TNPO2: variants seen among roughly 807,000 people sequenced by gnomAD.
The protein encoded by TNPO2 is transportin 2, also known as transportin-2.
TNPO2 carries 16 observed loss-of-function variants against 111.1 expected under a neutral mutation model. The observed-to-expected ratio is 0.14, with a 90% CI of 0.10 to 0.22. The LOEUF is 0.22. Among genes scored for constraint, TNPO2 ranks in the 10% least tolerant of loss-of-function variants. TNPO2 has a pLI of 1.00. For synonymous variants in TNPO2, 481 were observed against 475.8 expected (o/e 1.01, Z -0.14); for missense variants, 530 against 1,173.7 (o/e 0.45, Z 8.01).
At chr19:12,712,138 G>A (rs1318658061) in intron 10 of TNPO2, among the ~76,000 whole-genome samples, 1 of 152,202 alleles carries the variant, frequency 6.6e-6, no homozygotes, top group Non-Finnish European at 1.5e-5. Flanking sequence ...TAGGAGCTGA[G>A]GGGACATAGT....
In TNPO2 at chr19:12,719,757, C is replaced by T. The variant is rs1364558485; in HGVS notation, c.100-421G>A. ...AAGGTTGCAGTGAGCCGAGATTGCGCCTCTGCATTCCAGTCTGGGCGACAG... is the reference window on the plus strand; with the variant it reads ...AAGGTTGCAGTGAGCCGAGATTGCGTCTCTGCATTCCAGTCTGGGCGACAG... On this transcript the variant is annotated intron_variant, in intron 3 of 25. Coordinates refer to ENST00000425528, the MANE Select transcript of TNPO2 (RefSeq NM_001382241.1). This position sits in a 1 kb window ranked among gnomAD's most constrained non-coding sequence, Gnocchi z 5.0. Among the ~76,000 whole-genome samples the T allele has an allele frequency of 1.3e-5, 2 of 151,814 alleles. No individual in the cohort carries two copies. The highest frequency in any genetic ancestry group is 4.8e-5 in the African/African-American group (2 of 41,288).
chr19:12,708,745 C>T (rs2025854575), intron 13 of TNPO2, among the ~76,000 whole-genome samples: 2 of 152,018 alleles, frequency 1.3e-5, no homozygotes, highest in Admixed American at 1.3e-4. Context: ...GTGGTGGACA[C>T]CTGTAATTCC....
rs749617128 is a variant in TNPO2 at position 12,715,760 on chromosome 19, C to T, written c.326-21G>A. The T allele has an allele frequency of 1.3e-5, 20 of 1,587,296 alleles. No individual in the cohort carries two copies. Among genetic ancestry groups the T allele is most frequent in the East Asian group, 1.1e-4 (5 of 43,782 alleles). ...AATGCCTGGGGCGGCCGGGAAAGGA[C>T]GCTGCCTGAGGCTGGGCAGGGGCTG... On this transcript the variant is annotated intron_variant, in intron 5 of 25. Coordinates refer to ENST00000425528, the MANE Select transcript of TNPO2 (RefSeq NM_001382241.1). This position sits in a 1 kb window ranked among gnomAD's most constrained non-coding sequence, Gnocchi z 7.1.
Position 12,702,897 on chromosome 19 carries a change from A to G in TNPO2, c.2231T>C (p.Val744Ala), listed in dbSNP as rs1322582359. 6.2e-7 allele frequency: 1 copy of G among 1,613,876 alleles called. No homozygotes were observed. The highest frequency in any genetic ancestry group is 8.5e-7 in the Non-Finnish European group (1 of 1,179,808). Residue 744 changes from valine (V) to alanine (A), a missense_variant, in exon 21 of 26, where the codon GTG (valine) becomes GCG (alanine). Transcript: ENST00000425528. This position sits in a 1 kb window ranked among gnomAD's most constrained non-coding sequence, Gnocchi z 5.5. Reference sequence around the variant, plus strand: ...CACCAGGTTGTTGAGGACCATCTGCACATAAGGCTGCATCTCTGCCCCTGG... The same window carrying G: ...CACCAGGTTGTTGAGGACCATCTGCGCATAAGGCTGCATCTCTGCCCCTGG... The part of the protein sequence containing the change: ...MQMGAEMQPY[V>A]QMVLNNLVEI...
intron 13 of TNPO2, among the ~76,000 whole-genome samples, chr19:12,708,431 GT>G (rs1160827763): frequency 1.4e-3 from 206 of 143,484 alleles, no homozygotes; most frequent in South Asian, 7.6e-3. Context: ...CACACCCAGG[GT>G]TTTTTTTTTT....
At chr19:12,703,145 G>T in intron 20 of TNPO2, 3 of 587,182 alleles carry the variant, frequency 5.1e-6, no homozygotes, top group Non-Finnish European at 9.0e-6. Context: ...GAGTCGCTAA[G>T]GTGACAACAC....
intron 10 of TNPO2, among the ~76,000 whole-genome samples, chr19:12,712,628 G>C (rs1434996031): frequency 6.6e-6 from 1 of 151,790 alleles, no homozygotes; most frequent in East Asian, 1.9e-4. Context: ...TGCCTCGGCT[G>C]CCAGGCAGGG....
intron 5 of TNPO2, among the ~76,000 whole-genome samples, chr19:12,717,168 C>G (rs1467860027): frequency 6.9e-6 from 1 of 144,748 alleles, no homozygotes; most frequent in Non-Finnish European, 1.5e-5. Flanking sequence ...GAACTTTAGC[C>G]ACACCCCCTC....
At chr19:12,704,557 A>C (rs145559560) in intron 18 of TNPO2, among the ~76,000 whole-genome samples, 2 of 152,348 alleles carry the variant, frequency 1.3e-5, no homozygotes, top group African/African-American at 4.8e-5. Context: ...CGTTCAGTAC[A>C]GATGTAATTT....
rs562271660 is a variant in TNPO2, at chr19:12,710,880, G to A, written c.1118-107C>T. 31 of 1,154,528 alleles carry A rather than the reference G, an allele frequency of 2.7e-5. 1 individual carries two copies. The Admixed American group carries it at 7.8e-4, about 29-fold the overall frequency. 71.5% of individuals were successfully genotyped at this position (1,154,528 alleles called of 1,614,324 possible). The stretch of plus-strand genomic sequence containing the variant: ...CAGAGATCATGCTCAGAATCTTCAC[G>A]ATCAGCTTCTTTTTTTTTGTTTTGT... On this transcript the variant is annotated intron_variant, in intron 12 of 25. Transcript: ENST00000425528.
intron 10 of TNPO2, among the ~76,000 whole-genome samples, chr19:12,712,602 G>C (rs928348574): frequency 4.6e-5 from 7 of 152,156 alleles, no homozygotes; most frequent in African/African-American, 1.7e-4. Context: ...CTTTCTCTTT[G>C]TCTACTCTCC....
At position 12,702,492 on chromosome 19, in the gene TNPO2, G is replaced by A. The variant is rs188634387; in HGVS notation, c.2306-315C>T. ...TCATTGCAACCTGCCTCAGCCTCCC[G>A]AGTAGCTGGGATTGCAGGCACGTGC... On this transcript the variant is annotated intron_variant, in intron 21 of 25. Transcript: ENST00000425528. The surrounding 1 kb of genome is among the most constrained non-coding windows in gnomAD (Gnocchi z 5.5). 7.9e-4 allele frequency: 434 copies of A among 548,032 alleles called. 3 individuals carry two copies. The highest frequency in any genetic ancestry group is 7.3e-3 in the African/African-American group (380 of 52,334). The allele number at this position is 548,032 out of a possible 1,614,324, so 33.9% of individuals were successfully genotyped here.
At position 12,703,453 on chromosome 19, in the gene TNPO2, G is replaced by A; in HGVS notation, c.2184C>T (p.Ala728=). The change falls in exon 20 of 26, where the codon GCC becomes GCT. Residue 728 remains alanine, a synonymous_variant. Transcript: ENST00000425528. ...CCATCTGCATGCAGATTTCACCAAT[G>A]GCCCAGGTGGCGTTGTTGCAGACGG... ...FISVCNNATW[A]IGEICMQMGA... 5.0e-6 allele frequency: 8 copies of A among 1,613,938 alleles called. No individual in the cohort carries two copies. In the Middle Eastern group the frequency reaches 1.3e-3, roughly 267 times the overall value.
At position 12,715,418 on chromosome 19, in the gene TNPO2, T is replaced by A; in HGVS notation, c.553A>T (p.Ser185Cys). The A allele has an allele frequency of 5.0e-6, 8 of 1,613,926 alleles. No homozygotes were observed. The highest frequency in any genetic ancestry group is 6.8e-6 in the Non-Finnish European group (8 of 1,179,864). The change falls in exon 7 of 26, where the codon AGT becomes TGT. Residue 185 changes from serine to cysteine, a missense_variant. Physicochemically the swap from Ser to Cys is moderately radical, Grantham distance 112 (BLOSUM62 -1). This residue lies in a region of TNPO2 where 156 missense variants were observed against 405.8 expected (regional missense o/e 0.38). Transcript: ENST00000425528. This position sits in a 1 kb window ranked among gnomAD's most constrained non-coding sequence, Gnocchi z 7.1. The part of the protein sequence containing the change: ...PKFLQFFKHC[S>C]PKIRSHAIAC... ...AGCTGCACCCACCGGATCTTGGGAC[T>A]GCAGTGCTTGAAGAACTGCAGGAAC...
intron 19 of TNPO2, 88 bp from the exon 20 acceptor site, chr19:12,703,614 GA>G (rs2025458678): frequency 6.4e-7 from 1 of 1,569,346 alleles, no homozygotes; most frequent in Non-Finnish European, 8.8e-7. Flanking sequence ...CAGACAGTAC[GA>G]ATACATCCCA....
chr19:12,723,307 A>T lies in TNPO2; in HGVS notation c.-72T>A, dbSNP rs1382406355. ...TTCTGGCAAGGGCAGGGTCATGAAG[A>T]AAGAAATCTTCTTGATCCTTGCGAC... is the stretch of plus-strand genomic sequence containing the variant. On this transcript the variant is annotated 5_prime_UTR_variant, in exon 2 of 26. Transcript: ENST00000425528. 1 of 152,222 alleles carries T rather than the reference A, an allele frequency of 6.6e-6. No individual in the cohort carries two copies. The highest frequency in any genetic ancestry group is 1.5e-5 in the Non-Finnish European group (1 of 68,052). The allele number at this position is 152,222 out of a possible 1,614,324, so 9.4% of individuals were successfully genotyped here.
At chr19:12,720,819 G>C (rs2026641267) in intron 3 of TNPO2, 60 bp downstream of exon 3, 18 of 1,530,422 alleles carry the variant, frequency 1.2e-5, no homozygotes, top group Admixed American at 2.0e-5. Flanking sequence ...TCTCTCTCTG[G>C]CCTTTGGAAA....
Position 12,711,437 on chromosome 19 carries a change from C to T in TNPO2, c.976G>A (p.Val326Ile). ...LKGDVEEDEAVPDSEQDIKPR... is the reference protein window; with the variant it reads ...LKGDVEEDEAIPDSEQDIKPR... Reference sequence around the variant, plus strand: ...TTGATGTCCTGCTCACTGTCGGGGACAGCCTCATCCTCCTCCACATCCCCC... The same window carrying T: ...TTGATGTCCTGCTCACTGTCGGGGATAGCCTCATCCTCCTCCACATCCCCC... The change falls in exon 12 of 26, where the codon GTC (valine) becomes ATC (isoleucine). Residue 326 changes from valine (V) to isoleucine (I), a missense_variant. By Grantham distance (29) the Val-to-Ile change is conservative. Transcript: ENST00000425528. The T allele has an allele frequency of 6.2e-7, 1 of 1,614,002 alleles. No homozygotes were observed. The highest frequency in any genetic ancestry group is 8.5e-7 in the Non-Finnish European group (1 of 1,179,888).
At chr19:12,703,588 G>C (rs2145463204) in intron 19 of TNPO2, 62 bp from the exon 20 acceptor site, 1 of 1,582,514 alleles carries the variant, frequency 6.3e-7, no homozygotes, top group Non-Finnish European at 8.7e-7. Flanking sequence ...GCAGGACCTA[G>C]TCCAGCAGGC....
Sources: allele counts gnomAD v4.1 joint callset (sites outside exome capture counted in the v4.1 genomes callset), GRCh38; gene constraint gnomAD v4.1.1; regional missense constraint gnomAD v4.1.1; non-coding constraint Gnocchi (gnomAD v3.1); transcripts MANE v1.5; gene names NCBI Gene and HGNC (gene_info 2026-07-23, HGNC 2026-07-21).